Variants in KCNIP4 observed in about 807,000 individuals in gnomAD.
KCNIP4 encodes the protein Kv channel-interacting protein 4.
KCNIP4 carries 12 observed loss-of-function variants against 34.0 expected under a neutral mutation model. The observed-to-expected ratio is 0.35, with a 90% CI of 0.23 to 0.57. KCNIP4 has a LOEUF of 0.57. Among genes scored for constraint, KCNIP4 ranks in the 20% least tolerant of loss-of-function variants. The pLI, the probability that KCNIP4 is intolerant of heterozygous loss-of-function variation, is 0.83. For synonymous variants in KCNIP4, 124 were observed against 102.2 expected, an observed-to-expected ratio of 1.21 and a Z score of -1.29; for missense variants, 238 against 311.7, an observed-to-expected ratio of 0.76 and a Z score of 1.78.
chr4:21,054,707 CA>C (rs34366909), intron 1 of KCNIP4, among the ~76,000 whole-genome samples: 27,002 of 86,054 alleles, frequency 0.31, 2,762 homozygotes, highest in African/African-American at 0.48. Flanking sequence ...TACTCACATG[CA>C]AAAAAAAAAA....
At chr4:21,068,405 C>T in intron 1 of KCNIP4, among the ~76,000 whole-genome samples, 1 of 152,148 alleles carries the variant, frequency 6.6e-6, no homozygotes. Context: ...TAATAATGAG[C>T]ATGAAATCCA....
At chr4:21,681,839 GAAGT>G (rs773591691) in intron 1 of KCNIP4, among the ~76,000 whole-genome samples, 156 of 152,062 alleles carry the variant, frequency 1.0e-3, no homozygotes, top group East Asian at 1.7e-3. Flanking sequence ...AGCAAAAGCA[GAAGT>G]AAGAGAGAGT....
At chr4:21,128,019 T>A (rs1368623592) in intron 1 of KCNIP4, among the ~76,000 whole-genome samples, 1 of 152,250 alleles carries the variant, frequency 6.6e-6, no homozygotes, top group Non-Finnish European at 1.5e-5. Context: ...TTGCCTTGCA[T>A]AATCATCTAT....
intron 1 of KCNIP4, among the ~76,000 whole-genome samples, chr4:21,726,513 G>A (rs1000395558): frequency 6.6e-6 from 1 of 152,094 alleles, no homozygotes; most frequent in African/African-American, 2.4e-5. Flanking sequence ...ACAGAAATTC[G>A]AAACCTAGGA....
intron 1 of KCNIP4, among the ~76,000 whole-genome samples, chr4:20,942,719 T>C (rs1191854535): frequency 1.3e-5 from 2 of 152,196 alleles, no homozygotes; most frequent in Non-Finnish European, 2.9e-5. Flanking sequence ...TTGCCCAGGC[T>C]GGAGTCCAAT....
chr4:21,414,111 G>C (rs763287607), intron 1 of KCNIP4, among the ~76,000 whole-genome samples: 11 of 152,164 alleles, frequency 7.2e-5, no homozygotes, highest in Admixed American at 3.3e-4. Context: ...AGTAAATATA[G>C]AGTAGGTTAG....
chr4:21,905,397 C>CT (rs539372063), intron 1 of KCNIP4, among the ~76,000 whole-genome samples: 45 of 151,448 alleles, frequency 3.0e-4, no homozygotes, highest in Admixed American at 2.2e-3. Flanking sequence ...GCTATCACTT[C>CT]TTTTTTTTTA....
intron 1 of KCNIP4, chr4:21,844,709 T>C (rs1323163326): frequency 2.6e-5 from 4 of 152,042 alleles, no homozygotes; most frequent in Admixed American, 2.0e-4. Context: ...AAAACCCAAA[T>C]ATGTCCCTGC....
At chr4:21,009,698 C>T (rs1317328345) in intron 1 of KCNIP4, among the ~76,000 whole-genome samples, 1 of 152,186 alleles carries the variant, frequency 6.6e-6, no homozygotes, top group Non-Finnish European at 1.5e-5. Context: ...CCCTTTATTT[C>T]CAAGTTCCTA....
chr4:21,813,248 T>A (rs1038708790), intron 1 of KCNIP4, among the ~76,000 whole-genome samples: 1 of 152,198 alleles, frequency 6.6e-6, no homozygotes, highest in South Asian at 2.1e-4. Context: ...GTTTCTAGCA[T>A]CAGTTTCTAT....
At chr4:21,313,241 T>TA (rs1713381058) in intron 1 of KCNIP4, among the ~76,000 whole-genome samples, 1 of 151,892 alleles carries the variant, frequency 6.6e-6, no homozygotes, top group African/African-American at 2.4e-5. Flanking sequence ...ATAAAAATCT[T>TA]AGTTGTGGAT....
In KCNIP4 at chr4:20,860,808, G is replaced by A. The variant is rs140953943; in HGVS notation, c.164-10141C>T. ...AAGATTCTTGACCATAGCATTAGAT[G>A]CTATTCCTGAGAACTTCTAGGATAA... On this transcript the variant is annotated intron_variant, in intron 2 of 8. Coordinates refer to ENST00000382152, the MANE Select transcript of KCNIP4 (RefSeq NM_025221.6). 1.8e-3 allele frequency among the ~76,000 whole-genome samples: 276 copies of A among 152,252 alleles called. 1 individual carries two copies. The highest frequency in any genetic ancestry group is 6.2e-3 in the African/African-American group (259 of 41,546).
intron 1 of KCNIP4, among the ~76,000 whole-genome samples, chr4:21,414,717 G>A (rs549850891): frequency 6.6e-6 from 1 of 152,286 alleles, no homozygotes; most frequent in East Asian, 1.9e-4. Context: ...TAAAGAAAAT[G>A]TGGTACATAC....
At chr4:21,347,537 G>A (rs1304648068) in intron 1 of KCNIP4, among the ~76,000 whole-genome samples, 1 of 152,184 alleles carries the variant, frequency 6.6e-6, no homozygotes, top group Non-Finnish European at 1.5e-5. Context: ...GCAGAGCTAG[G>A]GAGGAACAGG....
intron 1 of KCNIP4, among the ~76,000 whole-genome samples, chr4:21,406,346 CA>C (rs1196472295): frequency 1.3e-5 from 2 of 152,260 alleles, no homozygotes; most frequent in South Asian, 2.1e-4. Flanking sequence ...TCTAATAGTG[CA>C]AAAGGCATAA....
chr4:21,690,135 A>T (rs187100695), intron 1 of KCNIP4, among the ~76,000 whole-genome samples: 2,168 of 146,204 alleles, frequency 0.015, 23 homozygotes, highest in Middle Eastern at 0.043. Context: ...ATTTTATATT[A>T]TATATATATA....
chr4:21,290,018 A>C (rs1763343267), intron 1 of KCNIP4, among the ~76,000 whole-genome samples: 1 of 152,310 alleles, frequency 6.6e-6, no homozygotes, highest in African/African-American at 2.4e-5. Flanking sequence ...GTACAAAAAA[A>C]AATAGCTTTT....
Position 21,547,196 on chromosome 4 carries a change from C to T in KCNIP4, c.61+401375G>A, listed in dbSNP as rs138377279. Among the ~76,000 whole-genome samples the T allele has an allele frequency of 4.6e-5, 7 of 152,150 alleles. No individual in the cohort carries two copies. In the East Asian group the frequency reaches 1.4e-3, roughly 29 times the overall value. ...CCAGTCTAGATCAGCTGAACCAAGT[C>T]ACATACAGACCTGTGAATCTGAAGA... On this transcript the variant is annotated intron_variant, in intron 1 of 8. Coordinates refer to ENST00000382152, the MANE Select transcript of KCNIP4 (RefSeq NM_025221.6).
At chr4:21,933,645 C>T (rs1416244316) in intron 1 of KCNIP4, among the ~76,000 whole-genome samples, 11 of 151,984 alleles carry the variant, frequency 7.2e-5, no homozygotes, top group Non-Finnish European at 1.3e-4. Flanking sequence ...AAGCACACAG[C>T]ACAATGTTTG....
Sources: allele counts gnomAD v4.1 joint callset (sites outside exome capture counted in the v4.1 genomes callset), GRCh38; gene constraint gnomAD v4.1.1; transcripts MANE v1.5; gene names NCBI Gene and HGNC (gene_info 2026-07-23, HGNC 2026-07-21).